RANBP2: variants seen among roughly 807,000 people sequenced by gnomAD.
RANBP2 encodes the protein RAN binding protein 2.
A neutral mutation model predicts 303.6 loss-of-function variants in RANBP2; 57 were observed. That is an observed-to-expected ratio of 0.19 (90% CI 0.15 to 0.23). RANBP2 has a LOEUF of 0.23. Ranked by LOEUF, RANBP2 falls within the 10% of genes least tolerant of loss-of-function variation. The pLI, the probability that RANBP2 is intolerant of heterozygous loss-of-function variation, is 1.00. For missense variants in RANBP2, 3,138 were observed against 3,780.8 expected, an observed-to-expected ratio of 0.83 and a Z score of 4.46; for synonymous variants, 1,167 against 1,301.5, an observed-to-expected ratio of 0.90 and a Z score of 2.23.
chr2:108,763,153 T>G, intron 19 of RANBP2, 84 bp from the exon 20 acceptor site: 1 of 1,423,138 alleles, frequency 7.0e-7, no homozygotes, highest in Non-Finnish European at 9.8e-7. Flanking sequence ...TATTCATGTT[T>G]GAAGTTTGTG....
chr2:108,898,421 A>T, the RANBP2 span, among the ~76,000 whole-genome samples: 1 of 152,222 alleles, frequency 6.6e-6, no homozygotes, highest in Non-Finnish European at 1.5e-5. Flanking sequence ...TTCACCCAAC[A>T]GTAGCAAGAC....
chr2:109,162,280 A>G, the RANBP2 span, among the ~76,000 whole-genome samples: 1 of 152,222 alleles, frequency 6.6e-6, no homozygotes, highest in Non-Finnish European at 1.5e-5. Context: ...AGCTGTTAAA[A>G]TTCCTAAAAG....
At chr2:108,741,060 T>C (rs1696038011) in intron 7 of RANBP2, among the ~76,000 whole-genome samples, 1 of 152,192 alleles carries the variant, frequency 6.6e-6, no homozygotes, top group African/African-American at 2.4e-5. Flanking sequence ...GGGCAATGGC[T>C]TTATAGCCTA....
At chr2:109,214,526 C>T in the RANBP2 span, among the ~76,000 whole-genome samples, 1 of 150,474 alleles carries the variant, frequency 6.6e-6, no homozygotes, top group Admixed American at 6.6e-5. Context: ...GCGTAGAAGA[C>T]CTGTGAGACA....
the RANBP2 span, chr2:109,614,185 G>C: frequency 6.1e-6 from 7 of 1,155,562 alleles, no homozygotes; most frequent in East Asian, 3.7e-5. Context: ...CAGTGATTGC[G>C]GCCCTCGCGA....
At chr2:109,352,902 CA>C in the RANBP2 span, among the ~76,000 whole-genome samples, 1 of 152,262 alleles carries the variant, frequency 6.6e-6, no homozygotes, top group Non-Finnish European at 1.5e-5. Context: ...TTTTGATTTG[CA>C]GGCAAAGCTT....
At chr2:109,593,629 C>A in the RANBP2 span, among the ~76,000 whole-genome samples, 1 of 152,086 alleles carries the variant, frequency 6.6e-6, no homozygotes, top group Non-Finnish European at 1.5e-5. Flanking sequence ...TGGTCTCGAA[C>A]TTCTGACCTC....
At chr2:109,723,407 C>T in the RANBP2 span, among the ~76,000 whole-genome samples, 1 of 152,150 alleles carries the variant, frequency 6.6e-6, no homozygotes, top group South Asian at 2.1e-4. Context: ...GCTTTGGCCC[C>T]CCAAAGTGCT....
At chr2:108,850,800 T>C in the RANBP2 span, among the ~76,000 whole-genome samples, 2 of 152,098 alleles carry the variant, frequency 1.3e-5, no homozygotes, top group East Asian at 3.9e-4. Context: ...ACTCTTTAAC[T>C]GTGTTTTTTC....
chr2:108,722,409 G>A (rs1301210288), intron 1 of RANBP2, among the ~76,000 whole-genome samples: 1 of 151,972 alleles, frequency 6.6e-6, no homozygotes, highest in Non-Finnish European at 1.5e-5. Flanking sequence ...TGGATAGAAG[G>A]TAAAGAATGG....
chr2:109,015,515 T>C, the RANBP2 span, among the ~76,000 whole-genome samples: 3 of 152,288 alleles, frequency 2.0e-5, no homozygotes, highest in Admixed American at 1.3e-4. Flanking sequence ...CCCAGCACTT[T>C]GGGAGGCCGA....
At chr2:108,865,234 G>C in the RANBP2 span, among the ~76,000 whole-genome samples, 1 of 152,070 alleles carries the variant, frequency 6.6e-6, no homozygotes, top group East Asian at 1.9e-4. Context: ...CATTTAAGCA[G>C]ACCACGATTG....
the RANBP2 span, among the ~76,000 whole-genome samples, chr2:109,490,020 G>C: frequency 6.6e-6 from 1 of 152,154 alleles, no homozygotes; most frequent in African/African-American, 2.4e-5. Context: ...TTACAGGCAT[G>C]AGCCACCGTG....
chr2:109,278,801 T>C, the RANBP2 span, among the ~76,000 whole-genome samples: 1 of 152,162 alleles, frequency 6.6e-6, no homozygotes, highest in African/African-American at 2.4e-5. Flanking sequence ...TGTATCTTGT[T>C]TGTGGGTATT....
chr2:109,093,160 C>G, the RANBP2 span, among the ~76,000 whole-genome samples: 1 of 152,152 alleles, frequency 6.6e-6, no homozygotes, highest in Non-Finnish European at 1.5e-5. Flanking sequence ...ATTGGCTGCC[C>G]TAGACTTCTT....
At chr2:108,957,702 C>T in the RANBP2 span, among the ~76,000 whole-genome samples, 1 of 152,214 alleles carries the variant, frequency 6.6e-6, no homozygotes, top group Non-Finnish European at 1.5e-5. Flanking sequence ...TTCACCGGGC[C>T]TACCAGGCGA....
At chr2:109,294,767 C>T in the RANBP2 span, among the ~76,000 whole-genome samples, 4 of 152,022 alleles carry the variant, frequency 2.6e-5, no homozygotes, top group Admixed American at 6.5e-5. Flanking sequence ...AGTCACGACC[C>T]GAGTGGGAGG....
At chr2:109,452,764 CAGGCTGGTCCCAGG>C in the RANBP2 span, among the ~76,000 whole-genome samples, 8 of 141,872 alleles carry the variant, frequency 5.6e-5, no homozygotes, top group Admixed American at 2.1e-4. Flanking sequence ...CTGGTGCTGG[CAGGCTGGTCCCAGG>C]AGGCTGGTCC....
At chr2:108,791,900 T>G in the RANBP2 span, 10 of 1,248,270 alleles carry the variant, frequency 8.0e-6, no homozygotes, top group East Asian at 2.3e-4. Flanking sequence ...CCCCAAGAGT[T>G]TGCATATTTC....
Sources: allele counts gnomAD v4.1 joint callset (sites outside exome capture counted in the v4.1 genomes callset), GRCh38; gene constraint gnomAD v4.1.1; transcripts MANE v1.5; gene names NCBI Gene and HGNC (gene_info 2026-07-23, HGNC 2026-07-21).